LONP2: variants seen among roughly 807,000 people sequenced by gnomAD.
LONP2 encodes lon protease homolog 2, peroxisomal.
A neutral mutation model predicts 85.6 loss-of-function variants in LONP2; 60 were observed. The ratio of observed to expected loss-of-function variants is 0.70; its 90% confidence interval spans 0.57 to 0.87. The LOEUF (loss-of-function observed/expected upper bound fraction) is 0.87. LONP2 is among the 40% of genes least tolerant of loss of function. The pLI, the probability that LONP2 is intolerant of heterozygous loss-of-function variation, is 0.00. For synonymous variants in LONP2, 395 were observed against 389.7 expected (o/e 1.01, Z -0.16); for missense variants, 860 against 1,063.5 (o/e 0.81, Z 2.66).
intron 8 of LONP2, among the ~76,000 whole-genome samples, chr16:48,282,801 G>A (rs1057476451): frequency 1.3e-5 from 2 of 152,116 alleles, no homozygotes; most frequent in African/African-American, 4.8e-5. Flanking sequence ...AAGTGTTGAA[G>A]TGAAAGGAAG....
chr16:48,282,428 A>G (rs1972350708), intron 8 of LONP2, among the ~76,000 whole-genome samples: 1 of 151,456 alleles, frequency 6.6e-6, no homozygotes, highest in African/African-American at 2.4e-5. Context: ...AAAAAAAAAA[A>G]AGAAAGAAAG....
chr16:48,270,338 A>G lies in LONP2; in HGVS notation c.1241+64A>G. ...TCTTTTTAATTGACTAGAGCTCCCTAAAAGCTTAGGCATAGCATACATCTA... is the reference window on the plus strand; with the variant it reads ...TCTTTTTAATTGACTAGAGCTCCCTGAAAGCTTAGGCATAGCATACATCTA... On this transcript the variant is annotated intron_variant, in intron 7 of 14. Coordinates refer to ENST00000285737, the MANE Select transcript of LONP2 (RefSeq NM_031490.5). 8.4e-6 allele frequency: 13 copies of G among 1,555,034 alleles called. No individual in the cohort carries two copies. The South Asian group carries it at 1.1e-4, about 13-fold the overall frequency.
intron 4 of LONP2, among the ~76,000 whole-genome samples, chr16:48,260,176 C>T (rs1269708421): frequency 6.6e-6 from 1 of 151,972 alleles, no homozygotes; most frequent in East Asian, 1.9e-4. Flanking sequence ...CTGCTGATGA[C>T]TTATGTAAGA....
At chr16:48,255,044 T>A in intron 2 of LONP2, among the ~76,000 whole-genome samples, 1 of 152,158 alleles carries the variant, frequency 6.6e-6, no homozygotes, top group African/African-American at 2.4e-5. Flanking sequence ...GTTGGAGAGG[T>A]TTGAATATTA....
At chr16:48,265,696 A>G (rs1205532392) in intron 6 of LONP2, among the ~76,000 whole-genome samples, 2 of 152,172 alleles carry the variant, frequency 1.3e-5, no homozygotes, top group East Asian at 1.9e-4. Flanking sequence ...TGGTTTGGCT[A>G]TTCAGGGTCT....
At chr16:48,312,010 G>A (rs1238296743) in intron 11 of LONP2, among the ~76,000 whole-genome samples, 1 of 151,722 alleles carries the variant, frequency 6.6e-6, no homozygotes, top group Non-Finnish European at 1.5e-5. Context: ...GCACGATCTC[G>A]GCTCACTGCA....
chr16:48,255,108 A>T (rs1018586657), intron 2 of LONP2, among the ~76,000 whole-genome samples: 6 of 152,222 alleles, frequency 3.9e-5, no homozygotes, highest in East Asian at 3.8e-4. Context: ...GTACATCATT[A>T]TGAATTAGTG....
chr16:48,247,148 G>C (rs1476991986), intron 1 of LONP2, among the ~76,000 whole-genome samples: 1 of 152,044 alleles, frequency 6.6e-6, no homozygotes, highest in East Asian at 1.9e-4. Flanking sequence ...TGGAAAGATT[G>C]TACCATATTC....
At chr16:48,320,033 G>C (rs1443789227) in intron 11 of LONP2, among the ~76,000 whole-genome samples, 1 of 151,878 alleles carries the variant, frequency 6.6e-6, no homozygotes, top group Non-Finnish European at 1.5e-5. Context: ...GGTGGCAGGG[G>C]CCTGTAATCT....
At position 48,300,276 on chromosome 16, in the gene LONP2, C is replaced by G. The variant is rs577607322; in HGVS notation, c.1661+488C>G. 7.2e-5 allele frequency among the ~76,000 whole-genome samples: 11 copies of G among 152,168 alleles called. No individual in the cohort carries two copies. The East Asian group carries it at 1.9e-3, about 27-fold the overall frequency. On this transcript the variant is annotated intron_variant, in intron 10 of 14. Coordinates refer to ENST00000285737, the MANE Select transcript of LONP2 (RefSeq NM_031490.5). ...CTTTGGCTGAGAGATTTTTAAAATC[C>G]TTAGAATTTTGATCTTCAGAATTAA...
chr16:48,358,622 A>C (rs972957372), downstream of LONP2, among the ~76,000 whole-genome samples: 6 of 152,226 alleles, frequency 3.9e-5, 1 homozygote, highest in Non-Finnish European at 5.9e-5. Context: ...AAGGGGTTTG[A>C]GACCAGCCTG....
intron 11 of LONP2, among the ~76,000 whole-genome samples, chr16:48,315,545 TC>T (rs1402881564): frequency 6.6e-6 from 1 of 152,184 alleles, no homozygotes; most frequent in African/African-American, 2.4e-5. Context: ...AAGGGCAGAA[TC>T]TTCAGGAACC....
chr16:48,257,104 G>A (rs1039643325), intron 3 of LONP2, among the ~76,000 whole-genome samples: 5 of 152,150 alleles, frequency 3.3e-5, no homozygotes, highest in Non-Finnish European at 5.9e-5. Flanking sequence ...TTGAGATCAG[G>A]AGTTCGAGAC....
At chr16:48,247,525 T>G (rs577209992) in intron 1 of LONP2, 4 of 14,140 alleles carry the variant, frequency 2.8e-4, no homozygotes, top group African/African-American at 9.0e-4. Flanking sequence ...AGTCCCTTTC[T>G]GCACGTTAGT....
intron 11 of LONP2, among the ~76,000 whole-genome samples, chr16:48,333,647 CAAAA>C (rs111794033): frequency 0.02 from 1,710 of 87,628 alleles, 32 homozygotes; most frequent in African/African-American, 0.071. Context: ...GACACCATCT[CAAAA>C]AAAAAAAAAA....
intron 12 of LONP2, among the ~76,000 whole-genome samples, chr16:48,338,378 TAGAC>T (rs1377893516): frequency 6.6e-6 from 1 of 152,166 alleles, no homozygotes; most frequent in African/African-American, 2.4e-5. Context: ...GGTACTGAGA[TAGAC>T]AGTAACTACT....
intron 4 of LONP2, 30 bp from the exon 5 acceptor site, chr16:48,261,394 A>G: frequency 6.6e-7 from 1 of 1,518,260 alleles, no homozygotes. Flanking sequence ...ATTTTGACAT[A>G]CGGTTTTACT....
chr16:48,325,696 A>G (rs1350439929), intron 11 of LONP2, among the ~76,000 whole-genome samples: 1 of 152,200 alleles, frequency 6.6e-6, no homozygotes, highest in Non-Finnish European at 1.5e-5. Flanking sequence ...TATATTAGCT[A>G]TTGTGAATAG....
At position 48,334,230 on chromosome 16, in the gene LONP2, A is replaced by G. The variant is rs1230072480; in HGVS notation, c.1810A>G (p.Ile604Val). The change falls in exon 12 of 15, where the codon ATC becomes GTC. Residue 604 changes from isoleucine to valine, a missense_variant. By Grantham distance (29) the Ile-to-Val change is conservative. Around this residue, in one of 3 missense-constraint regions of LONP2, gnomAD observed 743 missense variants for 917.3 expected, o/e 0.81. Transcript: ENST00000285737. ...TTTTCTTTTAGGTTGCAGAGAACAC[A>G]TCTTAGAAGATGAAAAACCTGAATC... ...VTEREGCREH[I>V]LEDEKPESIS... The G allele has an allele frequency of 2.5e-6, 4 of 1,613,978 alleles. No homozygotes were observed. Among genetic ancestry groups the G allele is most frequent in the Admixed American group, 3.3e-5 (2 of 60,002 alleles).
Sources: gnomAD v4.1 joint callset for allele counts (sites outside exome capture counted in the v4.1 genomes callset) on GRCh38, gnomAD v4.1.1 for gene constraint, gnomAD v4.1.1 regional missense constraint, MANE v1.5 for transcripts, NCBI Gene and HGNC (gene_info 2026-07-23, HGNC 2026-07-21) for gene names.